The following SRBD1 variants were observed in gnomAD, a reference collection of about 807,000 sequenced individuals.
SRBD1 encodes the protein S1 RNA binding domain 1, also known as S1 RNA-binding domain-containing protein 1.
SRBD1 carries 88 observed loss-of-function variants against 115.3 expected under a neutral mutation model. The observed-to-expected ratio is 0.76, with a 90% confidence interval of 0.64 to 0.91. The LOEUF (loss-of-function observed/expected upper bound fraction) is 0.91, where lower values mean the gene tolerates loss of function less well. SRBD1 is among the 40% of genes least tolerant of loss of function. The pLI is 0.00. For missense variants in SRBD1, 1,385 were observed against 1,177.4 expected (o/e 1.18, Z -2.58); for synonymous variants, 509 against 407.7 (o/e 1.25, Z -2.99).
At chr2:45,589,683 T>A in intron 4 of SRBD1, among the ~76,000 whole-genome samples, 1 of 152,220 alleles carries the variant, frequency 6.6e-6, no homozygotes, top group Non-Finnish European at 1.5e-5. Flanking sequence ...TATGCAAATT[T>A]GATCCTTGAA....
At chr2:45,536,343 A>G (rs1031919399) in intron 14 of SRBD1, among the ~76,000 whole-genome samples, 11 of 151,962 alleles carry the variant, frequency 7.2e-5, no homozygotes, top group Non-Finnish European at 1.5e-4. Flanking sequence ...GGAAAAAAAC[A>G]TACTTGATAG....
chr2:45,461,136 G>C (rs947394638), intron 16 of SRBD1, among the ~76,000 whole-genome samples: 3 of 152,168 alleles, frequency 2.0e-5, no homozygotes, highest in African/African-American at 7.2e-5. Flanking sequence ...TGTTATGAAG[G>C]AATGACACAA....
In SRBD1 at chr2:45,573,273, T is replaced by C. The variant is rs112052989; in HGVS notation, c.1239A>G (p.Lys413=). 43 of 1,612,726 alleles carry C rather than the reference T, an allele frequency of 2.7e-5. 1 individual carries two copies. The African/African-American group carries it at 2.8e-4, about 11-fold the overall frequency. Residue 413 remains lysine (K), a synonymous_variant, in exon 9 of 21, where the codon AAA becomes AAG. Coordinates refer to ENST00000263736, the MANE Select transcript of SRBD1 (RefSeq NM_018079.5). Reference sequence around the variant, plus strand: ...GGTAGAGCAGAAACTTATCAACATCTTTCTCATTTACCTTTTTTGAGGATA... The same window carrying C: ...GGTAGAGCAGAAACTTATCAACATCCTTCTCATTTACCTTTTTTGAGGATA... ...AKVSSKKVNE[K]DVDKFLLYQH... is the part of the protein sequence containing the mutation.
At chr2:45,599,869 G>C (rs1558505480) in intron 3 of SRBD1, 34 bp from the exon 4 acceptor site, 4 of 1,561,982 alleles carry the variant, frequency 2.6e-6, no homozygotes, top group Admixed American at 2.0e-5. Context: ...ATGAGAATTA[G>C]AAGATAAAAA....
At chr2:45,547,927 T>C (rs1200706781) in intron 12 of SRBD1, among the ~76,000 whole-genome samples, 1 of 152,238 alleles carries the variant, frequency 6.6e-6, no homozygotes, top group African/African-American at 2.4e-5. Context: ...GAATTGTTAG[T>C]ATATGTCAGA....
At chr2:45,573,067 G>A (rs1673069970) in intron 9 of SRBD1, 140 bp downstream of exon 9, 1 of 970,228 alleles carries the variant, frequency 1.0e-6, no homozygotes, top group African/African-American at 1.7e-5. Context: ...GCAAGGATAT[G>A]ACAATATTAT....
At chr2:45,399,880 T>C (rs1381719564) in intron 19 of SRBD1, among the ~76,000 whole-genome samples, 2 of 152,174 alleles carry the variant, frequency 1.3e-5, no homozygotes, top group Non-Finnish European at 2.9e-5. Context: ...ATAATGTGGA[T>C]TAGTGCCTGT....
intron 16 of SRBD1, among the ~76,000 whole-genome samples, chr2:45,431,968 A>T (rs1186231771): frequency 1.3e-5 from 2 of 151,884 alleles, no homozygotes; most frequent in Admixed American, 6.6e-5. Context: ...ATTCTTCCCC[A>T]ATTTTTTGCT....
At chr2:45,526,083 C>T (rs1454205187) in intron 14 of SRBD1, among the ~76,000 whole-genome samples, 1 of 151,966 alleles carries the variant, frequency 6.6e-6, no homozygotes, top group Non-Finnish European at 1.5e-5. Context: ...AGAGTTACCA[C>T]AATACTTCTA....
intron 16 of SRBD1, among the ~76,000 whole-genome samples, chr2:45,441,923 A>G (rs1178261202): frequency 6.6e-6 from 1 of 152,194 alleles, no homozygotes; most frequent in African/African-American, 2.4e-5. Context: ...TCTCATGCCA[A>G]TACTTTCTGG....
chr2:45,523,270 C>A (rs1403996182), intron 14 of SRBD1, among the ~76,000 whole-genome samples: 1 of 131,046 alleles, frequency 7.6e-6, no homozygotes, highest in Non-Finnish European at 1.6e-5. Context: ...CCACCCAAAA[C>A]GCTGGAAAAA....
intron 18 of SRBD1, among the ~76,000 whole-genome samples, chr2:45,416,036 A>C (rs1037243854): frequency 6.6e-6 from 1 of 152,144 alleles, no homozygotes; most frequent in Non-Finnish European, 1.5e-5. Context: ...TGGGAAAACA[A>C]GGAGAGAAAC....
chr2:45,496,744 C>G (rs984976313), intron 14 of SRBD1, among the ~76,000 whole-genome samples: 2 of 152,168 alleles, frequency 1.3e-5, no homozygotes, highest in African/African-American at 4.8e-5. Flanking sequence ...CCTCTACTTT[C>G]CTCTGAACTT....
chr2:45,578,623 T>C (rs1673249937), intron 7 of SRBD1, among the ~76,000 whole-genome samples: 1 of 152,086 alleles, frequency 6.6e-6, no homozygotes, highest in Non-Finnish European at 1.5e-5. Flanking sequence ...GATTTTGTTA[T>C]CAGAGACTGC....
At chr2:45,435,603 G>C (rs1668471987) in intron 16 of SRBD1, among the ~76,000 whole-genome samples, 1 of 150,404 alleles carries the variant, frequency 6.6e-6, no homozygotes, top group Non-Finnish European at 1.5e-5. Flanking sequence ...CTGTGAGTTG[G>C]CAGCTACCCA....
intron 10 of SRBD1, among the ~76,000 whole-genome samples, chr2:45,561,245 T>C (rs1221285748): frequency 6.6e-6 from 1 of 152,260 alleles, no homozygotes; most frequent in African/African-American, 2.4e-5. Flanking sequence ...GACATGTTCA[T>C]ATTTCAACTT....
At chr2:45,589,439 T>G (rs530060078) in intron 4 of SRBD1, among the ~76,000 whole-genome samples, 3 of 152,320 alleles carry the variant, frequency 2.0e-5, no homozygotes, top group Admixed American at 2.0e-4. Context: ...GATTGACCCT[T>G]GAAAGATAGG....
chr2:45,546,863 A>C (rs779627664), intron 13 of SRBD1, 24 bp from the exon 14 acceptor site: 1 of 1,606,178 alleles, frequency 6.2e-7, no homozygotes, highest in South Asian at 1.1e-5. Flanking sequence ...ACAGAATGAC[A>C]AACTGAATTT....
intron 10 of SRBD1, among the ~76,000 whole-genome samples, chr2:45,561,025 G>A (rs1283458673): frequency 1.3e-5 from 2 of 151,994 alleles, no homozygotes; most frequent in African/African-American, 4.8e-5. Context: ...GAGAATCACT[G>A]GAGTCTGGGA....
Sources: allele counts gnomAD v4.1 joint callset (sites outside exome capture counted in the v4.1 genomes callset), GRCh38; gene constraint gnomAD v4.1.1; transcripts MANE v1.5; gene names NCBI Gene and HGNC (gene_info 2026-07-23, HGNC 2026-07-21).